TNRC18: variants seen among roughly 807,000 people sequenced by gnomAD.
TNRC18 encodes the protein trinucleotide repeat containing 18.
A neutral mutation model predicts 226.7 loss-of-function variants in TNRC18; 69 were observed. That is an observed-to-expected ratio of 0.30 (90% CI 0.25 to 0.37). The LOEUF is 0.37. Ranked by LOEUF, TNRC18 falls within the 10% of genes least tolerant of loss-of-function variation. The pLI is 1.00. For synonymous variants in TNRC18, 2,449 were observed against 1,927.6 expected, an observed-to-expected ratio of 1.27 and a Z score of -7.09; for missense variants, 4,754 against 4,256.6, an observed-to-expected ratio of 1.12 and a Z score of -3.25.
chr7:5,381,898 G>T (rs534456868), intron 5 of TNRC18, among the ~76,000 whole-genome samples: 2 of 152,184 alleles, frequency 1.3e-5, no homozygotes, highest in South Asian at 4.1e-4. Flanking sequence ...CCCGGGAGGC[G>T]GAGGTTGCAG....
At chr7:5,356,836 G>GC in intron 16 of TNRC18, 80 bp downstream of exon 16, 1 of 1,440,828 alleles carries the variant, frequency 6.9e-7, no homozygotes, top group Non-Finnish European at 9.2e-7. Flanking sequence ...GGGGCGGGGG[G>GC]GGAAGGAGGA....
intron 16 of TNRC18, among the ~76,000 whole-genome samples, chr7:5,352,631 C>G (rs560022844): frequency 6.6e-6 from 1 of 152,272 alleles, no homozygotes; most frequent in Non-Finnish European, 1.5e-5. Flanking sequence ...AACGCTGTTA[C>G]CGCTAGCAGA....
intron 2 of TNRC18, among the ~76,000 whole-genome samples, chr7:5,397,247 C>T (rs566879225): frequency 1.8e-4 from 27 of 152,328 alleles, no homozygotes; most frequent in Non-Finnish European, 3.2e-4. Context: ...CTTGCTGTGG[C>T]AGGCGGGTGG....
At position 5,371,043 on chromosome 7, in the gene TNRC18, G is replaced by T. The variant is rs563803195; in HGVS notation, c.3551C>A (p.Ala1184Glu). ...PLESPLPLPA[A>E]EAMATPSPAG... ...AGGGCTGGGGGTAGCCATGGCTTCC[G>T]CGGCGGGCAGTGGCAGCGGCGACTC... The change falls in exon 11 of 30, where the codon GCG becomes GAG. Residue 1184 changes from alanine (A) to glutamate (E), a missense_variant. Transcript: ENST00000430969. The T allele has an allele frequency of 2.5e-6, 4 of 1,610,168 alleles. No individual in the cohort carries two copies.
chr7:5,405,923 T>C (rs1781434890), intron 2 of TNRC18, among the ~76,000 whole-genome samples: 1 of 152,116 alleles, frequency 6.6e-6, no homozygotes, highest in African/African-American at 2.4e-5. Flanking sequence ...AATAGAAAAG[T>C]ATGCAGACGT....
Position 5,387,961 on chromosome 7 carries a change from G to T in TNRC18, c.1863C>A (p.Pro621=). The T allele has an allele frequency of 6.3e-7, 1 of 1,597,292 alleles. No individual in the cohort carries two copies. Among genetic ancestry groups the T allele is most frequent in the Non-Finnish European group, 8.5e-7 (1 of 1,173,142 alleles). The change falls in exon 5 of 30, where the codon CCC becomes CCA. Residue 621 remains proline, a synonymous_variant. Coordinates refer to ENST00000430969, the MANE Select transcript of TNRC18 (RefSeq NM_001080495.3). ...CACCCGCAGAGGTGGGCGCAGGCTC[G>T]GGTTTCATGGTGCCCAAACCTCCAA... ...SPFGGLGTMK[P]EPAPTSAGAS...
At chr7:5,361,763 G>A (rs748345182) in intron 13 of TNRC18, 41 bp from the exon 14 acceptor site, 30 of 1,550,298 alleles carry the variant, frequency 1.9e-5, no homozygotes, top group South Asian at 4.7e-5. Flanking sequence ...GCTGGGGGGC[G>A]GGCGGGGCGC....
intron 19 of TNRC18, among the ~76,000 whole-genome samples, chr7:5,331,765 C>T (rs1034010333): frequency 3.3e-5 from 5 of 152,108 alleles, no homozygotes; most frequent in African/African-American, 1.2e-4. Context: ...TAAAAATTAG[C>T]TGGGCACGGT....
At chr7:5,385,331 A>G (rs1383979066) in intron 5 of TNRC18, among the ~76,000 whole-genome samples, 1 of 152,044 alleles carries the variant, frequency 6.6e-6, no homozygotes, top group African/African-American at 2.4e-5. Context: ...TACTAAAAAT[A>G]CAAAAAATTA....
chr7:5,406,761 G>A (rs4724674), intron 2 of TNRC18, among the ~76,000 whole-genome samples: 22,741 of 151,152 alleles, frequency 0.15, 3,351 homozygotes, highest in African/African-American at 0.38. Context: ...TGAGGCAGGA[G>A]AGTCACTTGA....
chr7:5,387,077 A>G (rs895634337), intron 5 of TNRC18, among the ~76,000 whole-genome samples: 5 of 152,140 alleles, frequency 3.3e-5, no homozygotes, highest in Admixed American at 6.5e-5. Flanking sequence ...TCCGTTTCAA[A>G]AATAAATAAA....
intron 18 of TNRC18, among the ~76,000 whole-genome samples, chr7:5,334,268 C>T (rs930051594): frequency 6.6e-6 from 1 of 151,914 alleles, no homozygotes; most frequent in Non-Finnish European, 1.5e-5. Flanking sequence ...AAAAAGTCAC[C>T]AGCAAAGTGT....
intron 2 of TNRC18, among the ~76,000 whole-genome samples, chr7:5,396,386 C>T (rs540822652): frequency 6.8e-4 from 103 of 151,910 alleles, no homozygotes; most frequent in African/African-American, 2.2e-3. Flanking sequence ...GACAACAGGC[C>T]GGGCAAGGTG....
At chr7:5,375,999 C>G (rs1343375127) in intron 9 of TNRC18, 35 bp downstream of exon 9, 1 of 1,556,368 alleles carries the variant, frequency 6.4e-7, no homozygotes, top group Admixed American at 1.9e-5. Context: ...ATGGGGGCCC[C>G]CAGAGGGAGC....
intron 14 of TNRC18, among the ~76,000 whole-genome samples, chr7:5,360,387 A>G (rs2128159443): frequency 6.6e-6 from 1 of 151,718 alleles, no homozygotes; most frequent in Middle Eastern, 3.4e-3. Context: ...ACACCACCAC[A>G]CCTGGCTAAT....
At chr7:5,418,169 G>A (rs1183393368) in intron 2 of TNRC18, among the ~76,000 whole-genome samples, 2 of 152,172 alleles carry the variant, frequency 1.3e-5, no homozygotes, top group East Asian at 3.8e-4. Context: ...ACTGAGTCCA[G>A]GCCTCCCAAG....
At chr7:5,364,350 C>T (rs920544271) in intron 11 of TNRC18, among the ~76,000 whole-genome samples, 5 of 151,864 alleles carry the variant, frequency 3.3e-5, no homozygotes, top group Admixed American at 3.3e-4. Context: ...CCCAGCTACT[C>T]GGGAGGCTGA....
chr7:5,402,085 A>AGGAG (rs1345692409), intron 2 of TNRC18, among the ~76,000 whole-genome samples: 1 of 150,340 alleles, frequency 6.7e-6, no homozygotes, highest in Non-Finnish European at 1.5e-5. Context: ...AGGCTGAGGC[A>AGGAG]GGAGAACGGC....
chr7:5,404,497 A>C (rs997788981), intron 2 of TNRC18, among the ~76,000 whole-genome samples: 1 of 152,220 alleles, frequency 6.6e-6, no homozygotes, highest in Non-Finnish European at 1.5e-5. Context: ...TCATTCCATC[A>C]AATCAGCAAA....
Sources: gnomAD v4.1 joint callset for allele counts (sites outside exome capture counted in the v4.1 genomes callset) on GRCh38, gnomAD v4.1.1 for gene constraint, MANE v1.5 for transcripts, NCBI Gene and HGNC (gene_info 2026-07-23, HGNC 2026-07-21) for gene names.